The following KIFC3 variants were observed in gnomAD, a reference collection of about 807,000 sequenced individuals.
KIFC3 encodes kinesin-like protein KIFC3.
Under a neutral mutation model 101.8 loss-of-function variants are expected in KIFC3, and 60 were observed. The observed-to-expected ratio is 0.59, with a 90% confidence interval of 0.48 to 0.73. The LOEUF (loss-of-function observed/expected upper bound fraction) is 0.73. KIFC3 is among the 30% of genes least tolerant of loss of function. The pLI is 0.00. For missense variants in KIFC3, 966 were observed against 1,137.1 expected, an observed-to-expected ratio of 0.85 and a Z score of 2.16; for synonymous variants, 476 against 482.7, an observed-to-expected ratio of 0.99 and a Z score of 0.18.
intron 1 of KIFC3, among the ~76,000 whole-genome samples, chr16:57,850,296 A>G (rs1187236231): frequency 6.6e-6 from 1 of 150,466 alleles, no homozygotes. Context: ...CCAGCTATTC[A>G]GGAGGCTGAG....
rs1287371560 is a variant in KIFC3 at position 57,769,218 on chromosome 16, T to G, written c.1218+377A>C. On this transcript the variant is annotated intron_variant, in intron 9 of 19. Transcript: ENST00000445690. The surrounding 1 kb of genome is among the most constrained non-coding windows in gnomAD (Gnocchi z 4.3). Reference sequence around the variant, plus strand: ...GCCCAGCTAATTTTTGTAATTTTAGTAGAGACGAAGTTTCGCCTTGTTGGC... The same window carrying G: ...GCCCAGCTAATTTTTGTAATTTTAGGAGAGACGAAGTTTCGCCTTGTTGGC... Among the ~76,000 whole-genome samples the G allele has an allele frequency of 6.6e-6, 1 of 152,152 alleles. No individual in the cohort carries two copies. The highest frequency in any genetic ancestry group is 6.5e-5 in the Admixed American group (1 of 15,278).
rs782591916 is a variant in KIFC3, at chr16:57,769,558, C to G, written c.1218+37G>C. ...TGTCGTGCCTCTCCCAGTGCACCCC[C>G]TTAGCCTGGACCCTCCCACCCACTG... is the stretch of plus-strand genomic sequence containing the variant. On this transcript the variant is annotated intron_variant, in intron 9 of 19. Coordinates refer to ENST00000445690, the MANE Select transcript of KIFC3 (RefSeq NM_001130100.2). This position sits in a 1 kb window ranked among gnomAD's most constrained non-coding sequence, Gnocchi z 4.3. 2.5e-6 allele frequency: 4 copies of G among 1,589,362 alleles called. No individual in the cohort carries two copies. The East Asian group carries it at 9.0e-5, about 36-fold the overall frequency.
intron 16 of KIFC3, 77 bp from the exon 17 acceptor site, chr16:57,760,493 G>A: frequency 1.3e-6 from 2 of 1,545,936 alleles, no homozygotes; most frequent in Admixed American, 3.5e-5. Flanking sequence ...GCTCACAGCT[G>A]GGGCCGTCAG....
intron 1 of KIFC3, among the ~76,000 whole-genome samples, chr16:57,813,049 C>T (rs1039768177): frequency 5.9e-5 from 9 of 152,148 alleles, no homozygotes; most frequent in South Asian, 2.1e-4. Flanking sequence ...AGAACCTGGC[C>T]AGGCACAGTG....
chr16:57,768,977 G>A (rs528893128), intron 9 of KIFC3, among the ~76,000 whole-genome samples: 1 of 152,240 alleles, frequency 6.6e-6, no homozygotes, highest in South Asian at 2.1e-4. Flanking sequence ...GACCAGCCTC[G>A]GCAACATAAT....
At chr16:57,777,655 A>T (rs1237367336) in intron 3 of KIFC3, among the ~76,000 whole-genome samples, 2 of 151,882 alleles carry the variant, frequency 1.3e-5, no homozygotes, top group Admixed American at 1.3e-4. Context: ...CGAGAGGCAG[A>T]GGTCGCAGTG....
chr16:57,844,452 A>AAT (rs1831854531), intron 1 of KIFC3, among the ~76,000 whole-genome samples: 2 of 151,500 alleles, frequency 1.3e-5, no homozygotes, highest in Admixed American at 6.6e-5. Flanking sequence ...AAAAAAAAAA[A>AAT]AGGCAGCGTA....
chr16:57,797,682 G>A, intron 2 of KIFC3: 1 of 1,129,000 alleles, frequency 8.9e-7, no homozygotes, highest in Non-Finnish European at 1.1e-6. Flanking sequence ...GGCGCTTGGT[G>A]CCCAGGCAGC....
chr16:57,815,925 G>A (rs572061490), intron 1 of KIFC3, among the ~76,000 whole-genome samples: 1 of 152,332 alleles, frequency 6.6e-6, no homozygotes, highest in African/African-American at 2.4e-5. Context: ...ATACCCCGGG[G>A]TCCATTTGAG....
At chr16:57,838,828 C>G (rs2055748841) in intron 1 of KIFC3, among the ~76,000 whole-genome samples, 1 of 152,152 alleles carries the variant, frequency 6.6e-6, no homozygotes, top group East Asian at 1.9e-4. Context: ...CCATAAAAAT[C>G]TGTGGCGTCT....
At chr16:57,782,168 G>A (rs1010032342) in intron 3 of KIFC3, 1 of 983,594 alleles carries the variant, frequency 1.0e-6, no homozygotes, top group Non-Finnish European at 1.2e-6. Flanking sequence ...CATTACAGTT[G>A]ACCATCTTTT....
chr16:57,858,807 G>T (rs186678326), intron 1 of KIFC3, among the ~76,000 whole-genome samples: 1 of 152,224 alleles, frequency 6.6e-6, no homozygotes, highest in Non-Finnish European at 1.5e-5. Context: ...AAGATTAGCT[G>T]AGCGTGGTGG....
chr16:57,790,185 T>TC (rs2053754925), intron 3 of KIFC3, among the ~76,000 whole-genome samples: 1 of 147,106 alleles, frequency 6.8e-6, no homozygotes. Flanking sequence ...GCTCAAGCAA[T>TC]CCCCCTGCCT....
At chr16:57,760,513 T>C (rs2049714267) in intron 16 of KIFC3, 97 bp from the exon 17 acceptor site, 7 of 1,422,434 alleles carry the variant, frequency 4.9e-6, no homozygotes, top group Non-Finnish European at 4.8e-6. Flanking sequence ...GAAGGCTTCC[T>C]GGAGAGGCCT....
intron 1 of KIFC3, among the ~76,000 whole-genome samples, chr16:57,847,048 G>A (rs1165898161): frequency 1.3e-5 from 2 of 151,744 alleles, no homozygotes; most frequent in African/African-American, 4.8e-5. Context: ...AGCCACGTGT[G>A]CTGGCGAACA....
At chr16:57,775,674 C>G (rs1427312168) in intron 3 of KIFC3, 3 of 985,468 alleles carry the variant, frequency 3.0e-6, no homozygotes, top group African/African-American at 1.7e-5. Flanking sequence ...CTAAGCCCAA[C>G]AGGGGAGGGT....
At chr16:57,776,022 G>C (rs1425422891) in intron 3 of KIFC3, 3 of 985,310 alleles carry the variant, frequency 3.0e-6, no homozygotes, top group South Asian at 4.7e-5. Flanking sequence ...GAAGCGGCTC[G>C]ACCAAGGGTG....
At chr16:57,856,542 GAAGAAAGAAAAA>G (rs1473244639) in intron 1 of KIFC3, among the ~76,000 whole-genome samples, 55 of 150,822 alleles carry the variant, frequency 3.6e-4, no homozygotes, top group African/African-American at 1.3e-3. Context: ...GAAAAAGAAA[GAAGAAAGAAAAA>G]AAGAAAGAAA....
chr16:57,788,807 G>T (rs782359582), intron 3 of KIFC3: 16 of 1,200,446 alleles, frequency 1.3e-5, no homozygotes, highest in Non-Finnish European at 1.6e-5. Context: ...AGCTGGCAAG[G>T]ATCCCAGGGC....
Sources: allele counts gnomAD v4.1 joint callset (sites outside exome capture counted in the v4.1 genomes callset), GRCh38; gene constraint gnomAD v4.1.1; non-coding constraint Gnocchi (gnomAD v3.1); transcripts MANE v1.5; gene names NCBI Gene and HGNC (gene_info 2026-07-23, HGNC 2026-07-21).